The following SSBP2 variants were observed in gnomAD, a reference collection of about 807,000 sequenced individuals.
SSBP2 encodes single stranded DNA binding protein 2.
Under a neutral mutation model 61.8 loss-of-function variants are expected in SSBP2, and 17 were observed. That is an observed-to-expected ratio of 0.28 (90% CI 0.19 to 0.41). The LOEUF (loss-of-function observed/expected upper bound fraction) is 0.41. Among genes scored for constraint, SSBP2 ranks in the 10% least tolerant of loss-of-function variants. The pLI is 1.00. For synonymous variants in SSBP2, 139 were observed against 141.3 expected (o/e 0.98, Z 0.12); for missense variants, 310 against 458.7 (o/e 0.68, Z 2.96).
At chr5:81,578,789 T>C in intron 4 of SSBP2, among the ~76,000 whole-genome samples, 1 of 151,970 alleles carries the variant, frequency 6.6e-6, no homozygotes, top group Admixed American at 6.6e-5. Flanking sequence ...TTCATTTTTT[T>C]TTTCTAGACT....
chr5:81,572,200 C>T (rs1484335742), intron 4 of SSBP2, among the ~76,000 whole-genome samples: 2 of 151,982 alleles, frequency 1.3e-5, no homozygotes, highest in Non-Finnish European at 2.9e-5. Flanking sequence ...ACTGAAAATC[C>T]AATTAATCTG....
At chr5:81,747,022 T>TGGGG (rs60355265) in intron 1 of SSBP2, among the ~76,000 whole-genome samples, 6 of 87,276 alleles carry the variant, frequency 6.9e-5, no homozygotes, top group Admixed American at 1.4e-4. Flanking sequence ...ACAAAATTCC[T>TGGGG]GGGGGGGGGG....
intron 4 of SSBP2, among the ~76,000 whole-genome samples, chr5:81,583,623 C>T (rs1449121063): frequency 7.1e-6 from 1 of 140,452 alleles, no homozygotes; most frequent in Admixed American, 7.3e-5. Context: ...GAGCGAGACA[C>T]CGTCTCAAAA....
At chr5:81,624,093 T>G (rs1455962057) in intron 3 of SSBP2, among the ~76,000 whole-genome samples, 2 of 152,174 alleles carry the variant, frequency 1.3e-5, no homozygotes, top group Non-Finnish European at 2.9e-5. Context: ...ATTCTAAAGA[T>G]CAGTAAATCT....
intron 4 of SSBP2, among the ~76,000 whole-genome samples, chr5:81,579,953 T>A (rs1406450420): frequency 6.6e-6 from 1 of 152,086 alleles, no homozygotes; most frequent in African/African-American, 2.4e-5. Context: ...ATTTAAGAGA[T>A]GCTTTATCTT....
chr5:81,707,391 T>G (rs1288517987), intron 1 of SSBP2, among the ~76,000 whole-genome samples: 1 of 152,094 alleles, frequency 6.6e-6, no homozygotes, highest in African/African-American at 2.4e-5. Flanking sequence ...CAAATATGAC[T>G]GATGTCCTTA....
intron 1 of SSBP2, among the ~76,000 whole-genome samples, chr5:81,711,711 C>A (rs962230427): frequency 4.4e-4 from 66 of 151,616 alleles, no homozygotes; most frequent in African/African-American, 1.5e-3. Flanking sequence ...AAAATAAAAC[C>A]TTTATCTCAT....
At chr5:81,460,941 TA>T (rs936394064) in intron 10 of SSBP2, 113 bp downstream of exon 10, 4 of 512,596 alleles carry the variant, frequency 7.8e-6, no homozygotes, top group African/African-American at 2.0e-5. Context: ...AATGATTACT[TA>T]AAAAAGGGTT....
At chr5:81,592,917 T>G in intron 4 of SSBP2, among the ~76,000 whole-genome samples, 1 of 151,862 alleles carries the variant, frequency 6.6e-6, no homozygotes, top group Non-Finnish European at 1.5e-5. Context: ...AACTGGAAAC[T>G]CTAAAAATCA....
intron 4 of SSBP2, among the ~76,000 whole-genome samples, chr5:81,593,579 G>C (rs1196252318): frequency 6.6e-6 from 1 of 152,144 alleles, no homozygotes; most frequent in African/African-American, 2.4e-5. Flanking sequence ...AAATGTTAAG[G>C]GCAGCCAGAG....
intron 1 of SSBP2, among the ~76,000 whole-genome samples, chr5:81,702,463 T>C (rs1754060928): frequency 6.6e-6 from 1 of 152,198 alleles, no homozygotes; most frequent in South Asian, 2.1e-4. Flanking sequence ...ATCTCACTTA[T>C]ATAAGGGCTC....
chr5:81,711,603 T>TCA, intron 1 of SSBP2, among the ~76,000 whole-genome samples: 1 of 151,924 alleles, frequency 6.6e-6, no homozygotes, highest in East Asian at 1.9e-4. Context: ...TTCAGATATA[T>TCA]CACCAACAGT....
chr5:81,533,615 C>T (rs1342762763), intron 4 of SSBP2, among the ~76,000 whole-genome samples: 2 of 152,054 alleles, frequency 1.3e-5, no homozygotes, highest in African/African-American at 4.8e-5. Context: ...AACTGAGAAC[C>T]CAACAACCCT....
At chr5:81,674,694 A>G (rs1053202648) in intron 1 of SSBP2, among the ~76,000 whole-genome samples, 3 of 152,198 alleles carry the variant, frequency 2.0e-5, no homozygotes, top group Non-Finnish European at 4.4e-5. Flanking sequence ...AATCTACCCT[A>G]TAATTTAAAA....
intron 1 of SSBP2, among the ~76,000 whole-genome samples, chr5:81,723,748 G>GT (rs1056120040): frequency 2.1e-4 from 32 of 152,040 alleles, no homozygotes; most frequent in African/African-American, 7.7e-4. Flanking sequence ...GCCCCAGACA[G>GT]TAAGTACTCC....
intron 1 of SSBP2, among the ~76,000 whole-genome samples, chr5:81,679,525 T>C (rs1752232898): frequency 6.6e-6 from 1 of 152,118 alleles, no homozygotes; most frequent in Admixed American, 6.6e-5. Flanking sequence ...TGAAAGTGAA[T>C]TTGGGTTAGT....
At chr5:81,554,100 C>T (rs936237880) in intron 4 of SSBP2, among the ~76,000 whole-genome samples, 3 of 152,076 alleles carry the variant, frequency 2.0e-5, no homozygotes, top group Non-Finnish European at 4.4e-5. Flanking sequence ...AAACAGATTC[C>T]GGTCTACATT....
chr5:81,604,010 T>C (rs1744634575), intron 4 of SSBP2, among the ~76,000 whole-genome samples: 1 of 152,080 alleles, frequency 6.6e-6, no homozygotes, highest in African/African-American at 2.4e-5. Context: ...ATACATGTTA[T>C]ATTAAACGCT....
chr5:81,746,883 C>T (rs1163750313), intron 1 of SSBP2, among the ~76,000 whole-genome samples: 2 of 152,012 alleles, frequency 1.3e-5, no homozygotes, highest in Non-Finnish European at 1.5e-5. Flanking sequence ...AATATCACTA[C>T]TCATCTATTT....
Sources: allele counts gnomAD v4.1 joint callset (sites outside exome capture counted in the v4.1 genomes callset), GRCh38; gene constraint gnomAD v4.1.1; transcripts MANE v1.5; gene names NCBI Gene and HGNC (gene_info 2026-07-23, HGNC 2026-07-21).